AGAP3: variants seen among roughly 807,000 people sequenced by gnomAD.
AGAP3 encodes the protein ArfGAP with GTPase domain, ankyrin repeat and PH domain 3.
In AGAP3, 24 loss-of-function variants were observed where a neutral mutation model predicts 96.9. The ratio of observed to expected loss-of-function variants is 0.25; its 90% CI spans 0.18 to 0.35. The LOEUF is 0.35. Ranked by LOEUF, AGAP3 falls within the 10% of genes least tolerant of loss-of-function variation. The pLI is 1.00. For synonymous variants in AGAP3, 563 were observed against 536.1 expected (o/e 1.05, Z -0.69); for missense variants, 876 against 1,254.2 (o/e 0.70, Z 4.55).
Position 151,127,318 on chromosome 7 carries a change from G to C in AGAP3, c.1222-1262G>C, listed in dbSNP as rs955997849. 4.6e-5 allele frequency among the ~76,000 whole-genome samples: 7 copies of C among 152,294 alleles called. No homozygotes were observed. In the East Asian group the frequency reaches 1.4e-3, roughly 29 times the overall value. On this transcript the variant is annotated intron_variant, in intron 9 of 17. Transcript: ENST00000397238. ...TCTGGCGGGGCCCTCCATTCCTAAAGGAGATGCCATCGCGGGGCCTCTTCC... is the reference window on the plus strand; with the variant it reads ...TCTGGCGGGGCCCTCCATTCCTAAACGAGATGCCATCGCGGGGCCTCTTCC...
chr7:151,120,423 C>T lies in AGAP3; in HGVS notation c.1128+278C>T. 3 of 677,650 alleles carry T rather than the reference C, an allele frequency of 4.4e-6. No homozygotes were observed. In the Admixed American group the frequency reaches 6.2e-5, roughly 14 times the overall value. 42.0% of individuals were successfully genotyped at this position (677,650 alleles called of 1,614,324 possible). ...CCGCACACACTCACCCTCCCCGCCG[C>T]CTTCCTCTCTCCTAGGCCCCTTTAG... On this transcript the variant is annotated intron_variant, in intron 8 of 17. Transcript: ENST00000397238.
intron 10 of AGAP3, among the ~76,000 whole-genome samples, chr7:151,131,477 T>C (rs537173742): frequency 2.0e-5 from 3 of 152,180 alleles, no homozygotes; most frequent in African/African-American, 7.2e-5. Flanking sequence ...TGGTGACCGC[T>C]CTCCTGAGCA....
rs116642166 is a variant in AGAP3 at position 151,131,559 on chromosome 7, C to T, written c.1327-2841C>T. ...CTGCTGCCTGTCTGAGGTTCCCATC[C>T]CTGCTGATGCTCCTCAAGCTTCTCT... On this transcript the variant is annotated intron_variant, in intron 10 of 17. Coordinates refer to ENST00000397238, the MANE Select transcript of AGAP3 (RefSeq NM_031946.7). Among the ~76,000 whole-genome samples, 836 of 152,286 alleles carry T rather than the reference C, an allele frequency of 5.5e-3. 6 individuals are homozygous for T. Among genetic ancestry groups the T allele is most frequent in the African/African-American group, 0.019 (792 of 41,546 alleles).
Position 151,141,753 on chromosome 7 carries a change from G to T in AGAP3, c.1805-145G>T. ...CTGGCCTCCCCCTGCAAGCTGTCCT[G>T]GAGTGTGTGGCCTTGCAGCTGGGGA... is the stretch of plus-strand genomic sequence containing the variant. On this transcript the variant is annotated intron_variant, in intron 13 of 17. Transcript: ENST00000397238. The surrounding 1 kb of genome is among the most constrained non-coding windows in gnomAD (Gnocchi z 4.2). The T allele has an allele frequency of 1.0e-6, 1 of 989,886 alleles. No homozygotes were observed. 61.3% of individuals were successfully genotyped at this position (989,886 alleles called of 1,614,324 possible). A position where few individuals can be genotyped will look rare whatever the true frequency, so the allele number is the denominator to read the frequency against.
At chr7:151,127,633 G>C (rs186714538) in intron 9 of AGAP3, among the ~76,000 whole-genome samples, 1 of 152,272 alleles carries the variant, frequency 6.6e-6, no homozygotes, top group African/African-American at 2.4e-5. Flanking sequence ...GCGCTCCCTG[G>C]TCCTGAATGA....
intron 10 of AGAP3, among the ~76,000 whole-genome samples, chr7:151,130,269 G>A (rs1800353264): frequency 6.6e-6 from 1 of 152,164 alleles, no homozygotes; most frequent in Non-Finnish European, 1.5e-5. Context: ...AGTGGCAAGG[G>A]GTGTCTTGGA....
chr7:151,118,669 A>G lies in AGAP3; in HGVS notation c.969+37A>G, dbSNP rs747187463. 3 of 1,600,642 alleles carry G rather than the reference A, an allele frequency of 1.9e-6. No homozygotes were observed. The highest frequency in any genetic ancestry group is 3.3e-5 in the Admixed American group (2 of 59,774). ...GCCCCGCCCTGCCCTTCCTGTCCCCACCATGTCTGTCTTGCCTCTGTGCGT... is the reference window on the plus strand; with the variant it reads ...GCCCCGCCCTGCCCTTCCTGTCCCCGCCATGTCTGTCTTGCCTCTGTGCGT... On this transcript the variant is annotated intron_variant, in intron 7 of 17. Transcript: ENST00000397238. The surrounding 1 kb of genome is among the most constrained non-coding windows in gnomAD (Gnocchi z 6.1).
intron 1 of AGAP3, among the ~76,000 whole-genome samples, chr7:151,100,857 A>T (rs921058920): frequency 1.3e-5 from 2 of 151,996 alleles, no homozygotes; most frequent in Admixed American, 6.5e-5. Context: ...ATAATAATAA[A>T]ATAATAATAA....
chr7:151,123,170 G>A (rs1799994868), intron 8 of AGAP3: 1 of 1,074,946 alleles, frequency 9.3e-7, no homozygotes, highest in Non-Finnish European at 1.1e-6. Context: ...ATGGACCTCT[G>A]CCGTTCCTGC....
At chr7:151,087,249 T>G in intron 1 of AGAP3, 177 bp downstream of exon 1, 1 of 678,474 alleles carries the variant, frequency 1.5e-6, no homozygotes, top group South Asian at 1.8e-5. Flanking sequence ...CTTCGCCATA[T>G]CTCGTTCGGG....
At chr7:151,115,449 G>T in intron 1 of AGAP3, 1 of 1,015,604 alleles carries the variant, frequency 9.8e-7, no homozygotes, top group Non-Finnish European at 1.2e-6. Flanking sequence ...CTCCCTAGGC[G>T]CCTTCCCCAG....
chr7:151,114,813 C>A lies in AGAP3; in HGVS notation c.332-1980C>A, dbSNP rs923341339. 42 of 1,054,888 alleles carry A rather than the reference C, an allele frequency of 4.0e-5. No individual in the cohort carries two copies. The Admixed American group carries it at 5.9e-4, about 15-fold the overall frequency. 65.3% of individuals were successfully genotyped at this position (1,054,888 alleles called of 1,614,324 possible). ...GCAGGGGGACAGCTGTCCCGGGGAG[C>A]GGCCCGCCGCTTGCCGCCGCGCCCA... is the stretch of plus-strand genomic sequence containing the variant. On this transcript the variant is annotated intron_variant, in intron 1 of 17. Transcript: ENST00000397238. This position sits in a 1 kb window ranked among gnomAD's most constrained non-coding sequence, Gnocchi z 4.4.
Position 151,105,782 on chromosome 7 carries a change from C to CA in AGAP3, c.332-11011_332-11010insA, listed in dbSNP as rs1299236405. Among the ~76,000 whole-genome samples, 100 of 46,804 alleles carry CA rather than the reference C, an allele frequency of 2.1e-3. 20 individuals are homozygous for CA. The highest frequency in any genetic ancestry group is 0.011 in the African/African-American group (91 of 8,124). The allele number at this position is 46,804 out of a possible 152,430, so 30.7% of individuals were successfully genotyped here. A position where few individuals can be genotyped will look rare whatever the true frequency, so the allele number is the denominator to read the frequency against. ...TCTCCAACCCCTCCATTCCGCCCCCCCCCCCGACACCACACACACACACAC... is the reference window on the plus strand; with the variant it reads ...TCTCCAACCCCTCCATTCCGCCCCCCACCCCCGACACCACACACACACACAC... On this transcript the variant is annotated intron_variant, in intron 1 of 17. Coordinates refer to ENST00000397238, the MANE Select transcript of AGAP3 (RefSeq NM_031946.7).
intron 1 of AGAP3, among the ~76,000 whole-genome samples, chr7:151,102,598 C>CAAA (rs35708283): frequency 3.2e-5 from 4 of 123,164 alleles, no homozygotes; most frequent in African/African-American, 6.0e-5. Context: ...CTCGTCTCTA[C>CAAA]AAAAAAAAAA....
At chr7:151,127,620 G>A (rs1315762312) in intron 9 of AGAP3, among the ~76,000 whole-genome samples, 1 of 152,192 alleles carries the variant, frequency 6.6e-6, no homozygotes, top group Non-Finnish European at 1.5e-5. Context: ...GGTCTCCATC[G>A]TGGCGCTCCC....
Position 151,118,015 on chromosome 7 carries a change from C to T in AGAP3, c.707-195C>T. 1 of 888,766 alleles carries T rather than the reference C, an allele frequency of 1.1e-6. No homozygotes were observed. The highest frequency in any genetic ancestry group is 1.7e-6 in the Non-Finnish European group (1 of 591,434). The allele number at this position is 888,766 out of a possible 1,614,324, so 55.1% of individuals were successfully genotyped here. A position where few individuals can be genotyped will look rare whatever the true frequency, so the allele number is the denominator to read the frequency against. ...TTTAGATGAATAAACGTGCTCAGAG[C>T]TTAAGTGCTTGCTGGTTTGCACTCA... On this transcript the variant is annotated intron_variant, in intron 5 of 17. Transcript: ENST00000397238. The surrounding 1 kb of genome is among the most constrained non-coding windows in gnomAD (Gnocchi z 6.1).
rs750134704 is a variant in AGAP3, at chr7:151,143,795, G to T, written c.2588G>T (p.Arg863Leu). 5.0e-6 allele frequency: 8 copies of T among 1,613,960 alleles called. No homozygotes were observed. Among genetic ancestry groups the T allele is most frequent in the Non-Finnish European group, 5.9e-6 (7 of 1,180,056 alleles). The change falls in exon 18 of 18, where the codon CGC becomes CTC. Residue 863 changes from arginine (R) to leucine (L), a missense_variant. Arg to Leu is a moderately radical substitution (Grantham distance 102). Transcript: ENST00000397238. The surrounding 1 kb of genome is among the most constrained non-coding windows in gnomAD (Gnocchi z 5.9). ...ARGLTPLAYA[R>L]RAGSQECADI... ...GGCCTGACTCCACTGGCATATGCTC[G>T]CCGGGCCGGCAGCCAGGAGTGTGCA...
rs892224881 is a variant in AGAP3 at position 151,101,602 on chromosome 7, C to T, written c.331+14530C>T. Among the ~76,000 whole-genome samples, 9 of 152,294 alleles carry T rather than the reference C, an allele frequency of 5.9e-5. 1 individual carries two copies. The highest frequency in any genetic ancestry group is 6.5e-5 in the Admixed American group (1 of 15,310). ...CGTGAGCAAAGCCCCAGAGTGTGGG[C>T]GCCTCCCTCCCTGTGCCCACCACAG... On this transcript the variant is annotated intron_variant, in intron 1 of 17. Transcript: ENST00000397238.
chr7:151,142,653 G>A lies in AGAP3; in HGVS notation c.2273+19G>A, dbSNP rs758831480. 1.1e-5 allele frequency: 17 copies of A among 1,608,632 alleles called. No homozygotes were observed. The African/African-American group carries it at 2.1e-4, about 20-fold the overall frequency. ...CCTGCAGGTGAGCAGATGGTGCCCT[G>A]GAGCTGGCCAGGAATGGGGGAAGCG... is the stretch of plus-strand genomic sequence containing the variant. On this transcript the variant is annotated intron_variant, in intron 16 of 17. Coordinates refer to ENST00000397238, the MANE Select transcript of AGAP3 (RefSeq NM_031946.7). This position sits in a 1 kb window ranked among gnomAD's most constrained non-coding sequence, Gnocchi z 7.5.
Sources: allele counts gnomAD v4.1 joint callset (sites outside exome capture counted in the v4.1 genomes callset), GRCh38; gene constraint gnomAD v4.1.1; non-coding constraint Gnocchi (gnomAD v3.1); transcripts MANE v1.5; gene names NCBI Gene and HGNC (gene_info 2026-07-23, HGNC 2026-07-21).